The following MYO1B variants were observed in gnomAD, a reference collection of about 807,000 sequenced individuals.
MYO1B encodes myosin IB.
A neutral mutation model predicts 159.7 loss-of-function variants in MYO1B; 72 were observed. The observed-to-expected ratio is 0.45, with a 90% CI of 0.37 to 0.55. The LOEUF is 0.55. Among genes scored for constraint, MYO1B ranks in the 20% least tolerant of loss-of-function variants. MYO1B has a pLI of 0.00. For synonymous variants in MYO1B, 468 were observed against 473.8 expected (o/e 0.99, Z 0.16); for missense variants, 1,062 against 1,364.8 (o/e 0.78, Z 3.50).
rs775188214 is a variant in MYO1B, at chr2:191,362,390, A to G, written c.765+19A>G. On this transcript the variant is annotated intron_variant, in intron 9 of 30. Coordinates refer to ENST00000392318, the MANE Select transcript of MYO1B (RefSeq NM_001130158.3). ...CGTGCGGGTAAGATGTAGTACTTTC[A>G]TCAAGCTTTAAATTGCATACCACTG... 1.3e-6 allele frequency: 2 copies of G among 1,595,090 alleles called. No homozygotes were observed. Among genetic ancestry groups the G allele is most frequent in the East Asian group, 2.2e-5 (1 of 44,700 alleles).
rs1412426579 is a variant in MYO1B at position 191,268,260 on chromosome 2, T to A, written c.-9-8627T>A. On this transcript the variant is annotated intron_variant, in intron 1 of 30. Transcript: ENST00000392318. ...ATTCAGTTTCTGGTGAGGGTCCTCTTCCTGGCTTGCAGATGGCTGCCTTTT... is the reference window on the plus strand; with the variant it reads ...ATTCAGTTTCTGGTGAGGGTCCTCTACCTGGCTTGCAGATGGCTGCCTTTT... 2.6e-5 allele frequency among the ~76,000 whole-genome samples: 4 copies of A among 152,304 alleles called. No individual in the cohort carries two copies. In the East Asian group the frequency reaches 7.7e-4, roughly 29 times the overall value.
At chr2:191,355,960 C>T (rs752393859) in intron 7 of MYO1B, among the ~76,000 whole-genome samples, 4 of 152,070 alleles carry the variant, frequency 2.6e-5, no homozygotes, top group African/African-American at 9.7e-5. Flanking sequence ...TGTGCTATCT[C>T]GTGGCACATT....
intron 7 of MYO1B, among the ~76,000 whole-genome samples, chr2:191,356,877 C>T (rs1438155165): frequency 1.3e-5 from 2 of 152,120 alleles, no homozygotes; most frequent in African/African-American, 2.4e-5. Context: ...AACCTAAATG[C>T]GACTGAGATG....
chr2:191,353,694 G>A (rs1010310570), intron 7 of MYO1B, among the ~76,000 whole-genome samples: 3 of 152,188 alleles, frequency 2.0e-5, no homozygotes, highest in South Asian at 2.1e-4. Flanking sequence ...AACAAAAGAC[G>A]GCAAATTACT....
chr2:191,395,647 GA>G (rs541914419), intron 20 of MYO1B, among the ~76,000 whole-genome samples: 35 of 152,354 alleles, frequency 2.3e-4, no homozygotes, highest in African/African-American at 7.7e-4. Context: ...GTCAGCCCTA[GA>G]AGTAAGAAAG....
intron 6 of MYO1B, among the ~76,000 whole-genome samples, chr2:191,348,309 A>T (rs759187381): frequency 2.6e-5 from 4 of 152,158 alleles, no homozygotes; most frequent in Non-Finnish European, 4.4e-5. Flanking sequence ...AATCACCATC[A>T]TCATCATACA....
At chr2:191,400,917 T>G (rs566261016) in intron 23 of MYO1B, 82 bp downstream of exon 23, 6 of 1,303,498 alleles carry the variant, frequency 4.6e-6, no homozygotes, top group South Asian at 1.3e-5. Flanking sequence ...AGGGGATGAA[T>G]GACTACAATT....
intron 4 of MYO1B, among the ~76,000 whole-genome samples, chr2:191,340,285 T>C (rs2125947426): frequency 6.6e-6 from 1 of 152,164 alleles, no homozygotes; most frequent in South Asian, 2.1e-4. Flanking sequence ...CGCGATCATA[T>C]TAAAAGCTCT....
chr2:191,308,990 T>G (rs1005227405), intron 3 of MYO1B, among the ~76,000 whole-genome samples: 1 of 152,196 alleles, frequency 6.6e-6, no homozygotes, highest in Non-Finnish European at 1.5e-5. Flanking sequence ...TTTGCTTTTT[T>G]CCTCTGTAGG....
chr2:191,328,227 G>T (rs1229211744), intron 3 of MYO1B, among the ~76,000 whole-genome samples: 1 of 152,208 alleles, frequency 6.6e-6, no homozygotes, highest in Non-Finnish European at 1.5e-5. Context: ...CATCAAAGGT[G>T]TTCAGTAAAT....
At chr2:191,284,352 G>A (rs775981585) in intron 2 of MYO1B, among the ~76,000 whole-genome samples, 22 of 152,190 alleles carry the variant, frequency 1.4e-4, no homozygotes, top group Non-Finnish European at 2.4e-4. Flanking sequence ...AAGGAGTGGA[G>A]GGTGAAATGA....
At position 191,381,442 on chromosome 2, in the gene MYO1B, T is replaced by C; in HGVS notation, c.1186-20T>C. ...CTAGTGGCATGGTTTATAAAGCTGT[T>C]TTTCATTTTCTCCATACAGGACAAC... On this transcript the variant is annotated intron_variant, in intron 13 of 30. Transcript: ENST00000392318. 6.3e-7 allele frequency: 1 copy of C among 1,587,762 alleles called. No homozygotes were observed. Among genetic ancestry groups the C allele is most frequent in the Non-Finnish European group, 8.6e-7 (1 of 1,156,336 alleles).
chr2:191,256,023 C>T (rs1055299816), intron 1 of MYO1B, among the ~76,000 whole-genome samples: 1 of 152,198 alleles, frequency 6.6e-6, no homozygotes, highest in Non-Finnish European at 1.5e-5. Flanking sequence ...TTCACTGTCT[C>T]TTAAACACAC....
chr2:191,279,975 A>G (rs757194067), intron 2 of MYO1B, among the ~76,000 whole-genome samples: 8 of 152,118 alleles, frequency 5.3e-5, no homozygotes, highest in South Asian at 2.1e-4. Flanking sequence ...GCAATCTCCT[A>G]TGTGAACCAG....
intron 6 of MYO1B, 123 bp from the exon 7 acceptor site, chr2:191,350,038 GT>G: frequency 1.4e-6 from 1 of 714,858 alleles, no homozygotes; most frequent in South Asian, 1.7e-5. Flanking sequence ...TATAAACTGT[GT>G]CTTTCTTAGT....
intron 17 of MYO1B, among the ~76,000 whole-genome samples, chr2:191,389,861 C>T (rs775387074): frequency 2.6e-5 from 4 of 152,186 alleles, no homozygotes; most frequent in Non-Finnish European, 5.9e-5. Context: ...GTAAAACATT[C>T]CCGTCAGTCC....
intron 24 of MYO1B, chr2:191,407,565 C>G (rs1480083268): frequency 6.6e-6 from 1 of 152,084 alleles, no homozygotes; most frequent in Non-Finnish European, 1.5e-5. Context: ...GCTCTGATAG[C>G]ATTAAGTATA....
intron 9 of MYO1B, among the ~76,000 whole-genome samples, chr2:191,362,659 C>T (rs1366670268): frequency 6.6e-6 from 1 of 152,048 alleles, no homozygotes; most frequent in Non-Finnish European, 1.5e-5. Flanking sequence ...TTTTTAAATT[C>T]CAAGTGTTTT....
At chr2:191,317,151 G>A (rs1690403780) in intron 3 of MYO1B, among the ~76,000 whole-genome samples, 1 of 152,142 alleles carries the variant, frequency 6.6e-6, no homozygotes, top group South Asian at 2.1e-4. Flanking sequence ...CTGGAGAGCA[G>A]GTGCAGCGTC....
Sources: gnomAD v4.1 joint callset for allele counts (sites outside exome capture counted in the v4.1 genomes callset) on GRCh38, gnomAD v4.1.1 for gene constraint, MANE v1.5 for transcripts, NCBI Gene and HGNC (gene_info 2026-07-23, HGNC 2026-07-21) for gene names.